KIF2C: variants seen among roughly 807,000 people sequenced by gnomAD.
The protein encoded by KIF2C is kinesin-like protein KIF2C.
KIF2C carries 34 observed loss-of-function variants against 97.4 expected under a neutral mutation model. The ratio of observed to expected loss-of-function variants is 0.35; its 90% CI spans 0.27 to 0.46. The LOEUF (loss-of-function observed/expected upper bound fraction) is 0.46. Among genes scored for constraint, KIF2C ranks in the 20% least tolerant of loss-of-function variants. KIF2C has a pLI of 1.00. For synonymous variants in KIF2C, 313 were observed against 318.2 expected (o/e 0.98, Z 0.17); for missense variants, 750 against 907.6 (o/e 0.83, Z 2.23).
chr1:44,761,426 T>C lies in KIF2C; in HGVS notation c.1684-490T>C, dbSNP rs981236713. Reference sequence around the variant, plus strand: ...ATAGAGACCATCCTGGCTAACATGGTGAAACCCCATCTCTATTAAAAAATA... The same window carrying C: ...ATAGAGACCATCCTGGCTAACATGGCGAAACCCCATCTCTATTAAAAAATA... On this transcript the variant is annotated intron_variant, in intron 16 of 20. Transcript: ENST00000372224. Among the ~76,000 whole-genome samples, 10 of 151,940 alleles carry C rather than the reference T, an allele frequency of 6.6e-5. No individual in the cohort carries two copies. In the East Asian group the frequency reaches 1.9e-3, roughly 29 times the overall value.
chr1:44,747,599 C>A, intron 3 of KIF2C, 53 bp from the exon 4 acceptor site: 1 of 1,592,352 alleles, frequency 6.3e-7, no homozygotes, highest in Non-Finnish European at 8.6e-7. Flanking sequence ...CCAGGATGGG[C>A]CCTTGAGAAT....
At chr1:44,758,455 ATTC>A (rs2148830719) in intron 13 of KIF2C, among the ~76,000 whole-genome samples, 1 of 152,224 alleles carries the variant, frequency 6.6e-6, no homozygotes, top group Non-Finnish European at 1.5e-5. Context: ...TCTCATATTC[ATTC>A]TTTCCCTGCC....
intron 4 of KIF2C, among the ~76,000 whole-genome samples, chr1:44,749,751 C>A (rs963451979): frequency 1.3e-5 from 2 of 152,052 alleles, no homozygotes; most frequent in African/African-American, 4.8e-5. Flanking sequence ...TGCCACTGCA[C>A]TCCAGCCTGG....
rs549025559 is a variant in KIF2C, at chr1:44,743,077, C to T, written c.165+2070C>T. ...GTGCAGGGCCCAGGATGCTTGGCAG[C>T]CGCAAAACAGCTGAAAAAGGAGACA... On this transcript the variant is annotated intron_variant, in intron 2 of 20. Transcript: ENST00000372224. 2.5e-4 allele frequency among the ~76,000 whole-genome samples: 38 copies of T among 152,292 alleles called. No homozygotes were observed. In the East Asian group the frequency reaches 6.4e-3, roughly 26 times the overall value.
rs774343703 is a variant in KIF2C, at chr1:44,758,135, G to A, written c.1219G>A (p.Gly407Arg). 1 of 1,613,802 alleles carries A rather than the reference G, an allele frequency of 6.2e-7. No homozygotes were observed. The highest frequency in any genetic ancestry group is 8.5e-7 in the Non-Finnish European group (1 of 1,179,764). ...VYVTFFEIYN[G>R]KLFDLLNKKA... Reference sequence around the variant, plus strand: ...TGTGACATTCTTCGAGATCTACAATGGGAAGGTAGCTGGCAGGAAGCCCCT... The same window carrying A: ...TGTGACATTCTTCGAGATCTACAATAGGAAGGTAGCTGGCAGGAAGCCCCT... Residue 407 changes from glycine to arginine, a missense_variant, in exon 13 of 21, where the codon GGG (glycine) becomes AGG (arginine). Transcript: ENST00000372224.
chr1:44,760,205 C>T lies in KIF2C; in HGVS notation c.1368-75C>T. The T allele has an allele frequency of 1.4e-6, 2 of 1,387,312 alleles. No individual in the cohort carries two copies. Among genetic ancestry groups the T allele is most frequent in the Non-Finnish European group, 2.0e-6 (2 of 984,826 alleles). 85.9% of individuals were successfully genotyped at this position (1,387,312 alleles called of 1,614,324 possible). A position where few individuals can be genotyped will look rare whatever the true frequency, so the allele number is the denominator to read the frequency against. On this transcript the variant is annotated intron_variant, in intron 14 of 20. Transcript: ENST00000372224. The surrounding 1 kb of genome is among the most constrained non-coding windows in gnomAD (Gnocchi z 4.2). ...GCCTCCTAACCTGTGTCCCTCCCTT[C>T]CTAGAGAACTTCTGTGGACTTGGGT...
intron 1 of KIF2C, among the ~76,000 whole-genome samples, chr1:44,740,345 C>T (rs895532665): frequency 6.6e-6 from 1 of 152,176 alleles, no homozygotes; most frequent in African/African-American, 2.4e-5. Context: ...CTCCTGGCCC[C>T]TTTACTCTCG....
intron 4 of KIF2C, among the ~76,000 whole-genome samples, chr1:44,748,785 G>A (rs1649354760): frequency 6.8e-6 from 1 of 147,290 alleles, no homozygotes; most frequent in African/African-American, 2.5e-5. Flanking sequence ...GGCCTCAAGT[G>A]ATCCTCCTGC....
At chr1:44,743,242 G>A (rs1234376249) in intron 2 of KIF2C, among the ~76,000 whole-genome samples, 2 of 152,208 alleles carry the variant, frequency 1.3e-5, no homozygotes, top group Non-Finnish European at 2.9e-5. Flanking sequence ...AGGTCACTGG[G>A]CTAGGAGTAT....
Position 44,758,038 on chromosome 1 carries a change from C to G in KIF2C, c.1133-11C>G. The G allele has an allele frequency of 6.2e-7, 1 of 1,614,148 alleles. No homozygotes were observed. Among genetic ancestry groups the G allele is most frequent in the Non-Finnish European group, 8.5e-7 (1 of 1,179,988 alleles). The stretch of plus-strand genomic sequence containing the variant: ...GGCAGGTTGTTTGCTTAGCAAAGTT[C>G]TCTCCCTCAGCCCGGGACGTCTTCC... On this transcript the variant is annotated splice_polypyrimidine_tract_variant and intron_variant, in intron 12 of 20. Transcript: ENST00000372224.
Position 44,760,299 on chromosome 1 carries a change from G to C in KIF2C, c.1387G>C (p.Ala463Pro), listed in dbSNP as rs1650068618. 1 of 1,614,044 alleles carries C rather than the reference G, an allele frequency of 6.2e-7. No individual in the cohort carries two copies. Residue 463 changes from alanine (A) to proline (P), a missense_variant, in exon 15 of 21, where the codon GCC becomes CCC. Ala to Pro is a conservative substitution (Grantham distance 27, BLOSUM62 -1). Transcript: ENST00000372224. The surrounding 1 kb of genome is among the most constrained non-coding windows in gnomAD (Gnocchi z 4.2). ...CCACAGAACCTCTGGGCAGACATTT[G>C]CCAACTCCAATTCCTCCCGCTCCCA... ...SACRTSGQTF[A>P]NSNSSRSHAC... is the part of the protein sequence containing the mutation.
At position 44,753,707 on chromosome 1, in the gene KIF2C, T is replaced by G; in HGVS notation, c.563-26T>G. ...GGTAACAGAGTGGGCTTCCTTTTTT[T>G]TTCTTTTTTTTTTATGTTTTCATAG... On this transcript the variant is annotated intron_variant, in intron 6 of 20. Transcript: ENST00000372224. The G allele has an allele frequency of 2.6e-6, 4 of 1,529,464 alleles. No individual in the cohort carries two copies. The South Asian group carries it at 4.8e-5, about 18-fold the overall frequency. 94.7% of individuals were successfully genotyped at this position (1,529,464 alleles called of 1,614,324 possible).
At chr1:44,745,656 G>A (rs1202541087) in intron 2 of KIF2C, among the ~76,000 whole-genome samples, 2 of 151,112 alleles carry the variant, frequency 1.3e-5, no homozygotes, top group South Asian at 2.1e-4. Flanking sequence ...TTTTAGTAGA[G>A]ACGGGGTTTT....
chr1:44,756,331 T>G (rs1649830642), intron 10 of KIF2C, 94 bp downstream of exon 10: 1 of 1,285,398 alleles, frequency 7.8e-7, no homozygotes, highest in South Asian at 1.3e-5. Flanking sequence ...ACGTGCTGAA[T>G]TCTGAGGCTC....
Position 44,767,416 on chromosome 1 carries a change from C to T in KIF2C, c.*237C>T. On this transcript the variant is annotated 3_prime_UTR_variant, in exon 21 of 21. Transcript: ENST00000372224. Reference sequence around the variant, plus strand: ...ACGAGAGGAAGGAGCTCTTAGTTACCCTTTTGTGTTGCCCTTCTTTCCATC... The same window carrying T: ...ACGAGAGGAAGGAGCTCTTAGTTACTCTTTTGTGTTGCCCTTCTTTCCATC... The T allele has an allele frequency of 2.3e-6, 1 of 443,606 alleles. No individual in the cohort carries two copies. The highest frequency in any genetic ancestry group is 4.2e-6 in the Non-Finnish European group (1 of 238,380). 27.5% of individuals were successfully genotyped at this position (443,606 alleles called of 1,614,324 possible). A position where few individuals can be genotyped will look rare whatever the true frequency, so the allele number is the denominator to read the frequency against.
chr1:44,755,976 T>A lies in KIF2C; in HGVS notation c.807T>A (p.Asn269Lys). ...TCTGTGTTAGGAAACGCCCACTGAA[T>A]AAGCAAGGTAAGTCCTGTTCAGTCA... ...ICVCVRKRPLNKQELAKKEID... is the reference protein window; with the variant it reads ...ICVCVRKRPLKKQELAKKEID... The change falls in exon 9 of 21, where the codon AAT becomes AAA. Residue 269 changes from asparagine to lysine, a missense_variant. Physicochemically the swap from Asn to Lys is moderately conservative, Grantham distance 94 (BLOSUM62 0). Coordinates refer to ENST00000372224, the MANE Select transcript of KIF2C (RefSeq NM_006845.4). 1 of 1,614,194 alleles carries A rather than the reference T, an allele frequency of 6.2e-7. No individual in the cohort carries two copies. The highest frequency in any genetic ancestry group is 8.5e-7 in the Non-Finnish European group (1 of 1,180,028).
chr1:44,766,462 T>A (rs1650468930), intron 19 of KIF2C, among the ~76,000 whole-genome samples: 1 of 151,678 alleles, frequency 6.6e-6, no homozygotes, highest in South Asian at 2.1e-4. Context: ...AAATACAAAA[T>A]TAGCTGGGCG....
rs759158919 is a variant in KIF2C at position 44,747,496 on chromosome 1, G to A, written c.267+11G>A. 1 of 1,599,134 alleles carries A rather than the reference G, an allele frequency of 6.3e-7. No homozygotes were observed. ...AATGTAACAATCCAGGTAGGTGCCT[G>A]TCATCTGGCTGCAGCCAGTGCGCCA... On this transcript the variant is annotated intron_variant, in intron 3 of 20. Coordinates refer to ENST00000372224, the MANE Select transcript of KIF2C (RefSeq NM_006845.4).
chr1:44,762,209 T>TTCTC (rs748680030), intron 17 of KIF2C, 137 bp from the exon 18 acceptor site: 18 of 933,068 alleles, frequency 1.9e-5, no homozygotes, highest in Non-Finnish European at 3.2e-5. Context: ...AGCTTTAGTT[T>TTCTC]TCTCTCTCCT....
Sources: gnomAD v4.1 joint callset for allele counts (sites outside exome capture counted in the v4.1 genomes callset) on GRCh38, gnomAD v4.1.1 for gene constraint, Gnocchi (gnomAD v3.1) non-coding constraint, MANE v1.5 for transcripts, NCBI Gene and HGNC (gene_info 2026-07-23, HGNC 2026-07-21) for gene names.